The following QKI variants were observed in gnomAD, a reference collection of about 807,000 sequenced individuals.
QKI encodes the protein KH domain-containing RNA-binding protein QKI.
Under a neutral mutation model 39.0 loss-of-function variants are expected in QKI, and 10 were observed. The ratio of observed to expected loss-of-function variants is 0.26; its 90% CI spans 0.16 to 0.43. QKI has a LOEUF of 0.43. Ranked by LOEUF, QKI falls within the 20% of genes least tolerant of loss-of-function variation. QKI has a pLI of 1.00. For synonymous variants in QKI, 204 were observed against 155.4 expected (o/e 1.31, Z -2.33); for missense variants, 218 against 428.0 (o/e 0.51, Z 4.33).
chr6:163,453,518 A>G (rs1790724488), intron 1 of QKI, among the ~76,000 whole-genome samples: 2 of 152,178 alleles, frequency 1.3e-5, no homozygotes, highest in South Asian at 4.1e-4. Context: ...TACTTGCTGT[A>G]ATTATGTAAA....
chr6:163,520,659 A>G (rs1780095408), intron 3 of QKI, among the ~76,000 whole-genome samples: 1 of 152,224 alleles, frequency 6.6e-6, no homozygotes, highest in African/African-American at 2.4e-5. Flanking sequence ...CATGCTGGCA[A>G]CATCATTGAA....
At chr6:163,565,251 T>C (rs1472480113) in intron 6 of QKI, 1 of 987,598 alleles carries the variant, frequency 1.0e-6, no homozygotes, top group African/African-American at 1.7e-5. Flanking sequence ...CTCTGTCCTG[T>C]GGTCCCGTGC....
chr6:163,418,699 TAG>T, intron 1 of QKI, among the ~76,000 whole-genome samples: 1 of 152,160 alleles, frequency 6.6e-6, no homozygotes, highest in East Asian at 1.9e-4. Flanking sequence ...GCTCTACCTT[TAG>T]AGAGACGTTT....
At chr6:163,567,757 C>A in intron 7 of QKI, 1 of 984,790 alleles carries the variant, frequency 1.0e-6, no homozygotes, top group South Asian at 4.7e-5. Context: ...TCTATTATGG[C>A]ACATTTGTTT....
In QKI at chr6:163,576,844, T is replaced by C. The variant is rs1784000471; in HGVS notation, c.*6134T>C. On this transcript the variant is annotated 3_prime_UTR_variant, in exon 8 of 8. Transcript: ENST00000361752. ...GTAAGAATTTGACATTCTGGAGTTA[T>C]TATAACATTAGAAAATGAGCATAAC... 1 of 152,216 alleles carries C rather than the reference T, an allele frequency of 6.6e-6. No homozygotes were observed. The highest frequency in any genetic ancestry group is 1.5e-5 in the Non-Finnish European group (1 of 68,032). The allele number at this position is 152,216 out of a possible 1,614,324, so 9.4% of individuals were successfully genotyped here. A position where few individuals can be genotyped will look rare whatever the true frequency, so the allele number is the denominator to read the frequency against.
chr6:163,570,519 A>G, intron 7 of QKI, 175 bp from the exon 8 acceptor site: 5 of 982,966 alleles, frequency 5.1e-6, no homozygotes, highest in South Asian at 9.4e-5. Flanking sequence ...CATGATTTTA[A>G]TTGTATTCTG....
At chr6:163,470,709 A>G (rs1174934521) in intron 2 of QKI, among the ~76,000 whole-genome samples, 2 of 151,914 alleles carry the variant, frequency 1.3e-5, no homozygotes, top group Non-Finnish European at 3.0e-5. Context: ...TGGAAGCTAT[A>G]AAAGAAAAAC....
chr6:163,472,171 A>G (rs1028593233), intron 2 of QKI, among the ~76,000 whole-genome samples: 1 of 152,228 alleles, frequency 6.6e-6, no homozygotes, highest in African/African-American at 2.4e-5. Flanking sequence ...CAGTTGATCA[A>G]CACATTTTGT....
chr6:163,488,971 TTC>T lies in QKI; in HGVS notation c.402+10077_402+10078del, dbSNP rs1491004723. Reference sequence around the variant, plus strand: ...TTTAGTTTTTGGTTTATCCTTCCATTTCTTTTTTTTTTTTTTTTTAAACATAA... The same window carrying T: ...TTTAGTTTTTGGTTTATCCTTCCATTTTTTTTTTTTTTTTTTTAAACATAA... On this transcript the variant is annotated intron_variant, in intron 3 of 7. Coordinates refer to ENST00000361752, the MANE Select transcript of QKI (RefSeq NM_006775.3). Among the ~76,000 whole-genome samples, 354 of 113,362 alleles carry T rather than the reference TTC, an allele frequency of 3.1e-3. 1 individual carries two copies. Among genetic ancestry groups the T allele is most frequent in the African/African-American group, 9.7e-3 (332 of 34,094 alleles). 74.4% of individuals were successfully genotyped at this position (113,362 alleles called of 152,430 possible). A position where few individuals can be genotyped will look rare whatever the true frequency, so the allele number is the denominator to read the frequency against.
intron 7 of QKI, chr6:163,567,044 CAT>C (rs1323091997): frequency 1.3e-5 from 14 of 1,115,094 alleles, no homozygotes; most frequent in Non-Finnish European, 1.5e-5. Flanking sequence ...CCTACTAAAA[CAT>C]AAATTAGTCA....
intron 1 of QKI, among the ~76,000 whole-genome samples, chr6:163,451,003 T>A (rs1244483276): frequency 6.6e-6 from 1 of 152,174 alleles, no homozygotes; most frequent in Non-Finnish European, 1.5e-5. Context: ...TCTATAAAAT[T>A]ACGGTTGGAT....
chr6:163,475,533 C>T (rs1055594076), intron 2 of QKI, among the ~76,000 whole-genome samples: 1 of 152,044 alleles, frequency 6.6e-6, no homozygotes, highest in African/African-American at 2.4e-5. Context: ...GTGTGGGGAC[C>T]TGTAACCAAT....
chr6:163,494,665 T>G (rs200738847), intron 3 of QKI, among the ~76,000 whole-genome samples: 14 of 57,568 alleles, frequency 2.4e-4, no homozygotes, highest in Admixed American at 2.1e-3. Flanking sequence ...TTTTTTTGTT[T>G]TTGTTGTTGT....
chr6:163,428,759 T>TC (rs1346596974), intron 1 of QKI, among the ~76,000 whole-genome samples: 5 of 151,894 alleles, frequency 3.3e-5, no homozygotes, highest in Non-Finnish European at 7.4e-5. Flanking sequence ...TTTTTTTTTT[T>TC]TAAACTGTCA....
At chr6:163,565,660 A>T in intron 6 of QKI, 1 of 1,079,626 alleles carries the variant, frequency 9.3e-7, no homozygotes, top group Non-Finnish European at 1.1e-6. Flanking sequence ...CAATGAAAAA[A>T]TCTATTATGG....
intron 5 of QKI, 129 bp from the exon 6 acceptor site, chr6:163,563,291 T>C (rs1015441925): frequency 2.5e-6 from 2 of 813,462 alleles, no homozygotes; most frequent in Non-Finnish European, 3.8e-6. Context: ...GATCAGCGCA[T>C]GTACTAATGA....
intron 1 of QKI, among the ~76,000 whole-genome samples, chr6:163,437,519 A>C (rs978925217): frequency 2.7e-4 from 41 of 152,182 alleles, no homozygotes; most frequent in African/African-American, 9.9e-4. Flanking sequence ...GCCATAATTT[A>C]GTTCAAGATT....
At chr6:163,562,957 T>C (rs1348439004) in intron 5 of QKI, among the ~76,000 whole-genome samples, 3 of 152,210 alleles carry the variant, frequency 2.0e-5, no homozygotes, top group African/African-American at 7.2e-5. Flanking sequence ...TACCTAGTGG[T>C]TACTTGACTA....
intron 3 of QKI, among the ~76,000 whole-genome samples, chr6:163,521,757 G>A (rs1780175619): frequency 6.6e-6 from 1 of 152,156 alleles, no homozygotes; most frequent in African/African-American, 2.4e-5. Context: ...CTGACCTCAA[G>A]TGATTTGCCC....
Sources: gnomAD v4.1 joint callset for allele counts (sites outside exome capture counted in the v4.1 genomes callset) on GRCh38, gnomAD v4.1.1 for gene constraint, MANE v1.5 for transcripts, NCBI Gene and HGNC (gene_info 2026-07-23, HGNC 2026-07-21) for gene names.